Variants in INTS6L observed in about 807,000 individuals in gnomAD.
INTS6L encodes the protein integrator complex subunit 6 like.
Under a neutral mutation model 64.7 loss-of-function variants are expected in INTS6L, and 18 were observed. That is an observed-to-expected ratio of 0.28 (90% CI 0.19 to 0.41). INTS6L has a LOEUF of 0.41. Among genes scored for constraint, INTS6L ranks in the 10% least tolerant of loss-of-function variants. The pLI is 1.00. For synonymous variants in INTS6L, 227 were observed against 235.9 expected (o/e 0.96, Z 0.34); for missense variants, 533 against 661.0 (o/e 0.81, Z 2.12).
Position 135,577,193 on chromosome X carries a change from G to A in INTS6L, c.1885G>A (p.Gly629Arg). The A allele has an allele frequency of 8.3e-7, 1 of 1,208,581 alleles. No homozygotes were observed. The highest frequency in any genetic ancestry group is 1.1e-6 in the Non-Finnish European group (1 of 893,765). The change falls in exon 15 of 18, where the codon GGA becomes AGA. Residue 629 changes from glycine (G) to arginine (R), a missense_variant and splice_region_variant. Physicochemically the swap from Gly to Arg is moderately radical, Grantham distance 125 (BLOSUM62 -2). Coordinates refer to ENST00000639893, the MANE Select transcript of INTS6L (RefSeq NM_001351601.3). The part of the protein sequence containing the change: ...FGNPFKQDKK[G>R]MMIDEADEFV... ...ATACGTTCATTTATGTGTTTTTTAGGGAATGATGATTGATGAAGCAGATGA... is the reference window on the plus strand; with the variant it reads ...ATACGTTCATTTATGTGTTTTTTAGAGAATGATGATTGATGAAGCAGATGA...
rs781946413 is a variant in INTS6L, at chrX:135,577,267, C to G, written c.1959C>G (p.Asn653Lys). The G allele has an allele frequency of 9.9e-6, 12 of 1,211,666 alleles. No homozygotes were observed. The highest frequency in any genetic ancestry group is 1.3e-5 in the Non-Finnish European group (12 of 895,567). ...AAGTGAAACGTCCAGGGGAACCCAA[C>G]AGTCCTATGTCATCTAAGAGAAGGC... ...QNKVKRPGEP[N>K]SPMSSKRRRS... Residue 653 changes from asparagine to lysine, a missense_variant, in exon 15 of 18, where the codon AAC becomes AAG. Asn to Lys is a moderately conservative substitution (Grantham distance 94, BLOSUM62 0). Coordinates refer to ENST00000639893, the MANE Select transcript of INTS6L (RefSeq NM_001351601.3).
At chrX:135,578,236 A>T (rs1383393590) in intron 15 of INTS6L, among the ~76,000 whole-genome samples, 1 of 111,491 alleles carries the variant, frequency 9.0e-6, no homozygotes, top group East Asian at 2.8e-4. Context: ...ATTGCTCCTC[A>T]ATTTCAGACT....
chrX:135,524,334 C>T (rs2085671627), intron 2 of INTS6L, among the ~76,000 whole-genome samples: 1 of 111,559 alleles, frequency 9.0e-6, no homozygotes, highest in South Asian at 3.7e-4. Context: ...TGATTGTCAG[C>T]GGGCACCTTA....
intron 14 of INTS6L, among the ~76,000 whole-genome samples, chrX:135,575,603 A>T (rs1348343137): frequency 8.9e-6 from 1 of 112,532 alleles, no homozygotes; most frequent in African/African-American, 3.2e-5. Context: ...CTCACTCCAG[A>T]ATCTATATTC....
rs781823412 is a variant in INTS6L at position 135,536,969 on chromosome X, G to T, written c.190-8454G>T. On this transcript the variant is annotated intron_variant, in intron 2 of 17. Transcript: ENST00000639893. ...CCTACCCTATGGGTCTGTTGTAGGG[G>T]TGGAACCTACCCCTTTAGCACCACA... is the stretch of plus-strand genomic sequence containing the variant. 2.7e-3 allele frequency among the ~76,000 whole-genome samples: 304 copies of T among 112,049 alleles called. 1 individual carries two copies. Among genetic ancestry groups the T allele is most frequent in the Non-Finnish European group, 5.0e-3 (265 of 53,185 alleles).
intron 8 of INTS6L, 121 bp downstream of exon 8, chrX:135,552,267 A>G: frequency 9.9e-6 from 8 of 806,682 alleles, no homozygotes; most frequent in Non-Finnish European, 1.3e-5. Context: ...GATGTTTCTC[A>G]TGAATGCTGT....
intron 14 of INTS6L, among the ~76,000 whole-genome samples, chrX:135,576,625 C>T (rs1381233589): frequency 9.0e-6 from 1 of 111,079 alleles, no homozygotes; most frequent in African/African-American, 3.3e-5. Context: ...GAAAAGCCTC[C>T]TCACTGCCTG....
chrX:135,565,883 T>G lies in INTS6L; in HGVS notation c.1193-3454T>G, dbSNP rs782267792. ...TTGACTCAGTTCCCATTCTGCCCCC[T>G]GGCTTCAAATATCCATCTCCAGGCC... On this transcript the variant is annotated intron_variant, in intron 9 of 17. Coordinates refer to ENST00000639893, the MANE Select transcript of INTS6L (RefSeq NM_001351601.3). Among the ~76,000 whole-genome samples the G allele has an allele frequency of 5.4e-5, 6 of 112,020 alleles. No individual in the cohort carries two copies. The South Asian group carries it at 2.2e-3, about 42-fold the overall frequency.
At position 135,547,120 on chromosome X, in the gene INTS6L, T is replaced by C. The variant is rs1810508484; in HGVS notation, c.614-17T>C. ...ATTTGATCAAACTTGTGCTATTTATTTTTCCTTCTGGGATAGGTCGCTCCT... is the reference window on the plus strand; with the variant it reads ...ATTTGATCAAACTTGTGCTATTTATCTTTCCTTCTGGGATAGGTCGCTCCT... On this transcript the variant is annotated splice_polypyrimidine_tract_variant and intron_variant, in intron 5 of 17. Coordinates refer to ENST00000639893, the MANE Select transcript of INTS6L (RefSeq NM_001351601.3). The C allele has an allele frequency of 1.7e-6, 2 of 1,200,787 alleles. No individual in the cohort carries two copies. Among genetic ancestry groups the C allele is most frequent in the African/African-American group, 3.5e-5 (2 of 56,585 alleles).
intron 8 of INTS6L, among the ~76,000 whole-genome samples, chrX:135,555,480 A>C (rs1488213496): frequency 1.8e-5 from 2 of 111,644 alleles, no homozygotes; most frequent in Non-Finnish European, 3.8e-5. Context: ...CACAGTCTGC[A>C]CTCTGATTAC....
rs187524025 is a variant in INTS6L at position 135,529,368 on chromosome X, G to A, written c.189+8050G>A. On this transcript the variant is annotated intron_variant, in intron 2 of 17. Coordinates refer to ENST00000639893, the MANE Select transcript of INTS6L (RefSeq NM_001351601.3). ...GAGAGCTTTCTTGATGTTCCCCAGC[G>A]GAGCCCTTGTCTTATATCATGGCAA... Among the ~76,000 whole-genome samples, 50 of 111,617 alleles carry A rather than the reference G, an allele frequency of 4.5e-4. 1 individual carries two copies. The highest frequency in any genetic ancestry group is 4.5e-3 in the Admixed American group (47 of 10,534).
intron 8 of INTS6L, among the ~76,000 whole-genome samples, chrX:135,554,875 C>G (rs928573644): frequency 2.1e-5 from 2 of 95,656 alleles, no homozygotes; most frequent in Admixed American, 2.6e-4. Flanking sequence ...TTTACTCTAC[C>G]AGCATAACTT....
At chrX:135,555,760 C>T (rs1462179678) in intron 8 of INTS6L, among the ~76,000 whole-genome samples, 7 of 111,762 alleles carry the variant, frequency 6.3e-5, no homozygotes, top group Admixed American at 5.7e-4. Context: ...ACAGTCATGA[C>T]TCACTGCAGC....
At chrX:135,531,247 C>T (rs1765452508) in intron 2 of INTS6L, among the ~76,000 whole-genome samples, 1 of 112,240 alleles carries the variant, frequency 8.9e-6, no homozygotes, top group South Asian at 3.7e-4. Context: ...TTCTGTTTCT[C>T]CACTCCTCTC....
chrX:135,567,150 C>G (rs2086972633), intron 9 of INTS6L, among the ~76,000 whole-genome samples: 1 of 112,014 alleles, frequency 8.9e-6, no homozygotes, highest in Admixed American at 9.5e-5. Flanking sequence ...TCCAAACTCA[C>G]TGAGCTAAGG....
intron 9 of INTS6L, among the ~76,000 whole-genome samples, chrX:135,564,463 C>T (rs1319945033): frequency 3.6e-5 from 4 of 110,793 alleles, no homozygotes; most frequent in African/African-American, 9.9e-5. Context: ...CACGGTGGCT[C>T]ACACCTTAAT....
intron 9 of INTS6L, among the ~76,000 whole-genome samples, chrX:135,567,724 GTC>G (rs1361538981): frequency 2.7e-5 from 3 of 111,752 alleles, no homozygotes; most frequent in African/African-American, 9.8e-5. Context: ...TATATCCATG[GTC>G]TCTCATTCCT....
In INTS6L at chrX:135,581,454, A is replaced by G. The variant is rs958854723; in HGVS notation, c.2589-74A>G. On this transcript the variant is annotated intron_variant, in intron 17 of 17. Transcript: ENST00000639893. ...ATGTAGATTGTAAGCTTCGATTTGT[A>G]TCCCACACAGTGCCTTGAACATCAT... 9.2e-6 allele frequency: 7 copies of G among 760,861 alleles called. No homozygotes were observed. In the Admixed American group the frequency reaches 1.9e-4, roughly 21 times the overall value. 62.7% of individuals were successfully genotyped at this position (760,861 alleles called of 1,213,427 possible).
At chrX:135,525,107 T>G (rs1272730555) in intron 2 of INTS6L, among the ~76,000 whole-genome samples, 1 of 112,293 alleles carries the variant, frequency 8.9e-6, no homozygotes, top group Admixed American at 9.4e-5. Flanking sequence ...GTTAATGTTT[T>G]GGGATTTTTT....
Sources: allele counts gnomAD v4.1 joint callset (sites outside exome capture counted in the v4.1 genomes callset), GRCh38; gene constraint gnomAD v4.1.1; transcripts MANE v1.5; gene names NCBI Gene and HGNC (gene_info 2026-07-23, HGNC 2026-07-21).